The following SMARCC1 variants were observed in gnomAD, a reference collection of about 807,000 sequenced individuals.
SMARCC1 encodes SWI/SNF related BAF chromatin remodeling complex subunit C1.
In SMARCC1, 43 loss-of-function variants were observed where a neutral mutation model predicts 147.4. The observed-to-expected ratio is 0.29, with a 90% CI of 0.23 to 0.38. The LOEUF is 0.38. Among genes scored for constraint, SMARCC1 ranks in the 10% least tolerant of loss-of-function variants. The pLI is 1.00. For missense variants in SMARCC1, 1,119 were observed against 1,381.1 expected, an observed-to-expected ratio of 0.81 and a Z score of 3.01; for synonymous variants, 495 against 484.4, an observed-to-expected ratio of 1.02 and a Z score of -0.29.
At chr3:47,613,433 G>T (rs1037225862) in intron 25 of SMARCC1, among the ~76,000 whole-genome samples, 2 of 149,070 alleles carry the variant, frequency 1.3e-5, no homozygotes, top group Non-Finnish European at 3.0e-5. Flanking sequence ...GCCCAGGCTA[G>T]AGTGCAGTGG....
chr3:47,778,308 T>C (rs2035002356), intron 1 of SMARCC1, among the ~76,000 whole-genome samples: 1 of 151,762 alleles, frequency 6.6e-6, no homozygotes, highest in African/African-American at 2.4e-5. Flanking sequence ...TTTTGTTTTG[T>C]TTTGTTTCGT....
rs1270930210 is a variant in SMARCC1 at position 47,588,186 on chromosome 3, G to A, written c.*23C>T. 2.5e-6 allele frequency: 4 copies of A among 1,578,414 alleles called. No individual in the cohort carries two copies. The highest frequency in any genetic ancestry group is 3.5e-6 in the Non-Finnish European group (4 of 1,149,208). ...CACTCCAGCTCATGGTGGTGGGCGT[G>A]GAGGTTCCCTGCATCTTCCAGGCTA... On this transcript the variant is annotated 3_prime_UTR_variant, in exon 28 of 28. Transcript: ENST00000254480.
At chr3:47,663,942 G>C in intron 19 of SMARCC1, 1 of 1,366,290 alleles carries the variant, frequency 7.3e-7, no homozygotes, top group Non-Finnish European at 1.0e-6. Context: ...TGAGCCCAGG[G>C]TCTGGCTTTG....
chr3:47,603,899 C>A (rs1005357889), intron 26 of SMARCC1: 1 of 393,748 alleles, frequency 2.5e-6, no homozygotes, highest in Admixed American at 3.1e-5. Flanking sequence ...CTATAAGAGA[C>A]AGGAACAAAA....
chr3:47,645,699 C>T (rs899550070), intron 21 of SMARCC1, among the ~76,000 whole-genome samples: 15 of 152,120 alleles, frequency 9.9e-5, no homozygotes, highest in African/African-American at 3.6e-4. Flanking sequence ...GTGGGAGAAA[C>T]GCAATATGAT....
intron 21 of SMARCC1, among the ~76,000 whole-genome samples, chr3:47,658,345 T>C (rs1248583192): frequency 6.6e-6 from 1 of 152,230 alleles, no homozygotes; most frequent in Non-Finnish European, 1.5e-5. Context: ...ATTAAGTATA[T>C]CAACAGATAC....
At chr3:47,724,756 T>G (rs2034278669) in intron 6 of SMARCC1, among the ~76,000 whole-genome samples, 1 of 152,182 alleles carries the variant, frequency 6.6e-6, no homozygotes, top group Non-Finnish European at 1.5e-5. Flanking sequence ...GAAAAAGTTC[T>G]AAAGATCTCT....
At chr3:47,658,254 A>G (rs971149607) in intron 21 of SMARCC1, among the ~76,000 whole-genome samples, 2 of 152,272 alleles carry the variant, frequency 1.3e-5, no homozygotes. Context: ...TATAATTCAC[A>G]TACTATAGAA....
At chr3:47,703,145 G>A (rs1355021324) in intron 10 of SMARCC1, among the ~76,000 whole-genome samples, 3 of 151,888 alleles carry the variant, frequency 2.0e-5, no homozygotes, top group Admixed American at 6.6e-5. Context: ...TGCTGCCCAG[G>A]CTGGTCTCTA....
chr3:47,725,611 C>T (rs1008738169), intron 6 of SMARCC1, among the ~76,000 whole-genome samples: 1 of 152,032 alleles, frequency 6.6e-6, no homozygotes, highest in Non-Finnish European at 1.5e-5. Flanking sequence ...CCACCATGCC[C>T]AGCTATTTTT....
Position 47,610,136 on chromosome 3 carries a change from C to T in SMARCC1, c.2973G>A (p.Met991Ile). The T allele has an allele frequency of 6.2e-7, 1 of 1,613,748 alleles. No individual in the cohort carries two copies. The highest frequency in any genetic ancestry group is 8.5e-7 in the Non-Finnish European group (1 of 1,180,030). Residue 991 changes from methionine (M) to isoleucine (I), a missense_variant, in exon 26 of 28, where the codon ATG becomes ATA. By Grantham distance (10) the Met-to-Ile change is conservative. This residue lies in a region of SMARCC1 where 186 missense variants were observed against 216.5 expected (regional missense o/e 0.86). Transcript: ENST00000254480. ...PLGAAGHPGM[M>I]PHQQPPPYPL... is the part of the protein sequence containing the mutation. ...GGTAGGGAGGGGGCTGTTGATGAGG[C>T]ATCATGCCAGGGTGCCCTGCTGCTC...
chr3:47,749,676 C>CACACACACACACACAT (rs1199862393), intron 2 of SMARCC1, among the ~76,000 whole-genome samples: 4 of 150,302 alleles, frequency 2.7e-5, no homozygotes, highest in Non-Finnish European at 5.9e-5. Context: ...ATTAAACACA[C>CACACACACACACACAT]ACACACACAC....
At chr3:47,748,781 A>G (rs960363288) in intron 2 of SMARCC1, among the ~76,000 whole-genome samples, 16 of 152,230 alleles carry the variant, frequency 1.1e-4, no homozygotes, top group African/African-American at 1.4e-4. Context: ...AAAATAATAT[A>G]CTGGAAAGAA....
chr3:47,728,106 A>G (rs1482325478), intron 6 of SMARCC1, among the ~76,000 whole-genome samples: 1 of 4,416 alleles, frequency 2.3e-4, no homozygotes. Flanking sequence ...TTTTTTTTTG[A>G]GATGGAGTCT....
At chr3:47,653,918 C>G (rs2033225336) in intron 21 of SMARCC1, among the ~76,000 whole-genome samples, 1 of 152,290 alleles carries the variant, frequency 6.6e-6, no homozygotes, top group East Asian at 1.9e-4. Context: ...CATGTGCCTC[C>G]TGTAGCAGTC....
intron 18 of SMARCC1, among the ~76,000 whole-genome samples, chr3:47,673,010 TAAC>T (rs1383082838): frequency 6.6e-6 from 1 of 151,960 alleles, no homozygotes; most frequent in Non-Finnish European, 1.5e-5. Context: ...CCTCTCTTGA[TAAC>T]AATTGGCTCT....
chr3:47,693,019 A>AT lies in SMARCC1; in HGVS notation c.1225+221dup, dbSNP rs375833174. On this transcript the variant is annotated intron_variant, in intron 12 of 27. Coordinates refer to ENST00000254480, the MANE Select transcript of SMARCC1 (RefSeq NM_003074.4). Reference sequence around the variant, plus strand: ...AAAAAAAAAAGAAAAGAAGGAGTGTATCAAGCTGGGCATGGTGGTGTGTGC... The same window carrying AT: ...AAAAAAAAAAGAAAAGAAGGAGTGTATTCAAGCTGGGCATGGTGGTGTGTGC... 4.6e-5 allele frequency among the ~76,000 whole-genome samples: 7 copies of AT among 152,232 alleles called. 1 individual carries two copies. The highest frequency in any genetic ancestry group is 1.7e-4 in the African/African-American group (7 of 41,548).
intron 13 of SMARCC1, among the ~76,000 whole-genome samples, chr3:47,687,804 C>T (rs1251939747): frequency 3.9e-5 from 6 of 152,152 alleles, no homozygotes; most frequent in Non-Finnish European, 7.3e-5. Flanking sequence ...GCACTGTCAC[C>T]CAGGCTAGAG....
chr3:47,767,189 GAAAAAAAA>G (rs375076788), intron 2 of SMARCC1, among the ~76,000 whole-genome samples: 3 of 80,176 alleles, frequency 3.7e-5, no homozygotes, highest in Non-Finnish European at 6.4e-5. Context: ...TCTCCAAAAA[GAAAAAAAA>G]AAAAAAAAAA....
Sources: gnomAD v4.1 joint callset for allele counts (sites outside exome capture counted in the v4.1 genomes callset) on GRCh38, gnomAD v4.1.1 for gene constraint, gnomAD v4.1.1 regional missense constraint, MANE v1.5 for transcripts, NCBI Gene and HGNC (gene_info 2026-07-23, HGNC 2026-07-21) for gene names.